The following PDSS2 variants were observed in gnomAD, a reference collection of about 807,000 sequenced individuals.
The protein encoded by PDSS2 is decaprenyl diphosphate synthase subunit 2.
A neutral mutation model predicts 44.5 loss-of-function variants in PDSS2; 31 were observed. The ratio of observed to expected loss-of-function variants is 0.70; its 90% CI spans 0.52 to 0.94. PDSS2 has a LOEUF of 0.94. Among genes scored for constraint, PDSS2 ranks in the 40% least tolerant of loss-of-function variants. The pLI is 0.00. For missense variants in PDSS2, 452 were observed against 482.2 expected (o/e 0.94, Z 0.59); for synonymous variants, 157 against 180.3 (o/e 0.87, Z 1.03).
intron 4 of PDSS2, among the ~76,000 whole-genome samples, chr6:107,216,672 A>AC (rs1377377818): frequency 6.6e-6 from 1 of 152,214 alleles, no homozygotes. Flanking sequence ...AATAAAACTA[A>AC]CAATACCTTT....
intron 1 of PDSS2, among the ~76,000 whole-genome samples, chr6:107,407,103 A>G (rs753868200): frequency 3.3e-5 from 5 of 152,256 alleles, no homozygotes; most frequent in Non-Finnish European, 7.3e-5. Flanking sequence ...ATAAGATGCA[A>G]TATTATTCAG....
rs547543352 is a variant in PDSS2, at chr6:107,180,447, A to G, written c.1041+13375T>C. On this transcript the variant is annotated intron_variant, in intron 7 of 7. Transcript: ENST00000369037. ...ATATACTTGGGGGGATATAAGAGGA[A>G]CAAAGGTGGAATTAAATATTCCTTA... 2.1e-4 allele frequency among the ~76,000 whole-genome samples: 32 copies of G among 152,348 alleles called. No homozygotes were observed. In the South Asian group the frequency reaches 6.6e-3, roughly 32 times the overall value.
rs1305203393 is a variant in PDSS2, at chr6:107,409,144, G to T, written c.296+49846C>A. On this transcript the variant is annotated intron_variant, in intron 1 of 7. Transcript: ENST00000369037. ...AGTCCATGGTAACTGCAGAACACTGGAAGAAAATATTAAGCAGCAAGAATA... is the reference window on the plus strand; with the variant it reads ...AGTCCATGGTAACTGCAGAACACTGTAAGAAAATATTAAGCAGCAAGAATA... 3.3e-5 allele frequency among the ~76,000 whole-genome samples: 5 copies of T among 152,112 alleles called. No individual in the cohort carries two copies. The South Asian group carries it at 1.0e-3, about 32-fold the overall frequency.
At chr6:107,279,567 G>A (rs759426568) in intron 2 of PDSS2, among the ~76,000 whole-genome samples, 2 of 152,114 alleles carry the variant, frequency 1.3e-5, no homozygotes, top group South Asian at 4.2e-4. Flanking sequence ...AATCAGACCC[G>A]TGGTCTTCTT....
chr6:107,217,523 C>T (rs1028058400), intron 4 of PDSS2, among the ~76,000 whole-genome samples: 1 of 151,832 alleles, frequency 6.6e-6, no homozygotes, highest in Non-Finnish European at 1.5e-5. Flanking sequence ...AGTCTGTCAA[C>T]ATCTTGATTT....
chr6:107,339,810 G>T (rs907061282), intron 1 of PDSS2, among the ~76,000 whole-genome samples: 1 of 152,096 alleles, frequency 6.6e-6, no homozygotes, highest in Non-Finnish European at 1.5e-5. Context: ...TGGCAGACAG[G>T]AACTACACCA....
intron 4 of PDSS2, among the ~76,000 whole-genome samples, chr6:107,233,201 C>A (rs1383749701): frequency 6.6e-6 from 1 of 152,180 alleles, no homozygotes; most frequent in Non-Finnish European, 1.5e-5. Context: ...CCCTCTGAAA[C>A]ATTTTGAATT....
At chr6:107,268,936 A>T (rs1222728511) in intron 3 of PDSS2, among the ~76,000 whole-genome samples, 1 of 137,448 alleles carries the variant, frequency 7.3e-6, no homozygotes, top group African/African-American at 2.6e-5. Context: ...TACTTTAACA[A>T]ATAGTATTTT....
At chr6:107,314,584 A>T (rs1197968614) in intron 2 of PDSS2, among the ~76,000 whole-genome samples, 2 of 152,200 alleles carry the variant, frequency 1.3e-5, no homozygotes, top group African/African-American at 2.4e-5. Context: ...GCTGCTTTCC[A>T]GAGAAATGTC....
At chr6:107,431,552 C>T (rs974119388) in intron 1 of PDSS2, among the ~76,000 whole-genome samples, 6 of 152,062 alleles carry the variant, frequency 3.9e-5, no homozygotes, top group East Asian at 1.9e-4. Context: ...CCCAGCCACC[C>T]GTTATTATTT....
In PDSS2 at chr6:107,313,418, T is replaced by C. The variant is rs1375420026; in HGVS notation, c.431+20780A>G. Among the ~76,000 whole-genome samples, 4 of 152,318 alleles carry C rather than the reference T, an allele frequency of 2.6e-5. No individual in the cohort carries two copies. In the East Asian group the frequency reaches 7.7e-4, roughly 29 times the overall value. On this transcript the variant is annotated intron_variant, in intron 2 of 7. Coordinates refer to ENST00000369037, the MANE Select transcript of PDSS2 (RefSeq NM_020381.4). ...TCCAGGCTGGAGTGCAGTGGCATGA[T>C]CTCGGCTCACTGCAACCTCTGCCTC...
chr6:107,337,649 T>G (rs1018892850), intron 1 of PDSS2, among the ~76,000 whole-genome samples: 47 of 152,338 alleles, frequency 3.1e-4, no homozygotes, highest in African/African-American at 1.1e-3. Flanking sequence ...TTTCTTTCCT[T>G]GTTACTTTTT....
chr6:107,328,495 C>T (rs372320891), intron 2 of PDSS2, among the ~76,000 whole-genome samples: 5 of 152,004 alleles, frequency 3.3e-5, no homozygotes, highest in African/African-American at 1.2e-4. Context: ...AGGCTGGTCT[C>T]GAACTCCTGA....
intron 2 of PDSS2, among the ~76,000 whole-genome samples, chr6:107,299,574 C>A (rs1035641560): frequency 1.3e-5 from 2 of 152,058 alleles, no homozygotes; most frequent in African/African-American, 2.4e-5. Context: ...GTTCTCTTAC[C>A]CCCTTTCACA....
chr6:107,420,136 G>A (rs1394509803), intron 1 of PDSS2, among the ~76,000 whole-genome samples: 1 of 152,176 alleles, frequency 6.6e-6, no homozygotes, highest in Admixed American at 6.5e-5. Context: ...ACTTAAAACT[G>A]ATAGCACTAA....
rs564462823 is a variant in PDSS2, at chr6:107,224,868, G to T, written c.703-12586C>A. Among the ~76,000 whole-genome samples, 95 of 150,574 alleles carry T rather than the reference G, an allele frequency of 6.3e-4. 1 individual carries two copies. The highest frequency in any genetic ancestry group is 5.6e-3 in the Admixed American group (85 of 15,172). Reference sequence around the variant, plus strand: ...CATTTATTATTTCACAGTTTCTGAGGGTCAGGAATCCAGGAATGGCTCAGC... The same window carrying T: ...CATTTATTATTTCACAGTTTCTGAGTGTCAGGAATCCAGGAATGGCTCAGC... On this transcript the variant is annotated intron_variant, in intron 4 of 7. Transcript: ENST00000369037.
At chr6:107,367,846 G>A (rs1779006787) in intron 1 of PDSS2, among the ~76,000 whole-genome samples, 2 of 147,698 alleles carry the variant, frequency 1.4e-5, no homozygotes, top group African/African-American at 2.5e-5. Flanking sequence ...GATAGTAAAA[G>A]GAAGGAGAAA....
At chr6:107,317,706 A>G (rs1582933902) in intron 2 of PDSS2, among the ~76,000 whole-genome samples, 1 of 152,232 alleles carries the variant, frequency 6.6e-6, no homozygotes, top group African/African-American at 2.4e-5. Context: ...TTCATAATTT[A>G]TAACAATAAC....
At chr6:107,353,838 T>G (rs1321026958) in intron 1 of PDSS2, among the ~76,000 whole-genome samples, 1 of 152,138 alleles carries the variant, frequency 6.6e-6, no homozygotes, top group East Asian at 1.9e-4. Flanking sequence ...TAAAATGTAT[T>G]TTTCTATTCT....
Sources: gnomAD v4.1 joint callset for allele counts (sites outside exome capture counted in the v4.1 genomes callset) on GRCh38, gnomAD v4.1.1 for gene constraint, MANE v1.5 for transcripts, NCBI Gene and HGNC (gene_info 2026-07-23, HGNC 2026-07-21) for gene names.